The following HERC2 variants were observed in gnomAD, a reference collection of about 807,000 sequenced individuals.
HERC2 encodes the protein HECT and RLD domain containing E3 ubiquitin protein ligase 2, also known as E3 ubiquitin-protein ligase HERC2.
HERC2 carries 102 observed loss-of-function variants against 537.7 expected under a neutral mutation model. The observed-to-expected ratio is 0.19, with a 90% CI of 0.16 to 0.22. The LOEUF is 0.22. Among genes scored for constraint, HERC2 ranks in the 10% least tolerant of loss-of-function variants. The probability of loss-of-function intolerance (pLI) is 1.00; values close to 1 mark genes in which losing one functional copy is unlikely to be tolerated. For synonymous variants in HERC2, 2,224 were observed against 2,466.2 expected (o/e 0.90, Z 2.91); for missense variants, 4,236 against 6,198.2 (o/e 0.68, Z 10.63).
At chr15:28,217,011 C>T in intron 38 of HERC2, among the ~76,000 whole-genome samples, 1 of 152,140 alleles carries the variant, frequency 6.6e-6, no homozygotes, top group Non-Finnish European at 1.5e-5. Context: ...CTCACATTCA[C>T]TCACACGCAT....
intron 57 of HERC2, among the ~76,000 whole-genome samples, chr15:28,180,346 AATG>A (rs1895708766): frequency 6.6e-6 from 1 of 152,140 alleles, no homozygotes; most frequent in Non-Finnish European, 1.5e-5. Flanking sequence ...ATTTTCCAAC[AATG>A]ACAAAATCAC....
chr15:28,130,207 G>A lies in HERC2; in HGVS notation c.12758C>T (p.Ala4253Val), dbSNP rs1388162786. The change falls in exon 83 of 93, where the codon GCC (alanine) becomes GTC (valine). Residue 4253 changes from alanine (A) to valine (V), a missense_variant. This residue lies in a region of HERC2 where 189 missense variants were observed against 255.7 expected (regional missense o/e 0.74). Transcript: ENST00000261609. ...ACAGTGCAGGGAGCCAGTGGCGATG[G>A]CGATGACTTTCTTCCCCTGCAACCC... The part of the protein sequence containing the change: ...VQGLQGKKVI[A>V]IATGSLHCVC... 4 of 1,614,040 alleles carry A rather than the reference G, an allele frequency of 2.5e-6. No homozygotes were observed. Among genetic ancestry groups the A allele is most frequent in the Admixed American group, 1.7e-5 (1 of 60,000 alleles).
At position 28,214,181 on chromosome 15, in the gene HERC2, C is replaced by T. The variant is rs534903278; in HGVS notation, c.6450G>A (p.Leu2150=). Residue 2150 remains leucine (L), a synonymous_variant, in exon 41 of 93, where the codon CTG becomes CTA. Transcript: ENST00000261609. ...STLAEEVVAL[L]RTLHSLTQWN... is the part of the protein sequence containing the mutation. Reference sequence around the variant, plus strand: ...ACTGAGTCAGGGAGTGCAGCGTGCGCAGCAGTGCCACCACCTCCTCCGCCA... The same window carrying T: ...ACTGAGTCAGGGAGTGCAGCGTGCGTAGCAGTGCCACCACCTCCTCCGCCA... 2 of 1,612,934 alleles carry T rather than the reference C, an allele frequency of 1.2e-6. No individual in the cohort carries two copies. The highest frequency in any genetic ancestry group is 4.5e-5 in the East Asian group (2 of 44,880).
chr15:28,304,190 A>AAC (rs1335044405), intron 2 of HERC2, among the ~76,000 whole-genome samples: 23 of 150,934 alleles, frequency 1.5e-4, no homozygotes, highest in African/African-American at 5.3e-4. Flanking sequence ...AAAAAAAAAA[A>AAC]AACAGAGAAA....
chr15:28,299,892 A>G (rs2076572917), intron 2 of HERC2, among the ~76,000 whole-genome samples: 1 of 151,902 alleles, frequency 6.6e-6, no homozygotes, highest in Non-Finnish European at 1.5e-5. Flanking sequence ...TCCCAACTAA[A>G]AATACAAAAA....
In HERC2 at chr15:28,285,803, C is replaced by CAAA. The variant is rs3079904; in HGVS notation, c.323-5519_323-5517dup. 5.0e-4 allele frequency among the ~76,000 whole-genome samples: 36 copies of CAAA among 72,376 alleles called. 2 individuals carry two copies. Among genetic ancestry groups the CAAA allele is most frequent in the African/African-American group, 1.5e-3 (35 of 23,000 alleles). 47.5% of individuals were successfully genotyped at this position (72,376 alleles called of 152,430 possible). A position where few individuals can be genotyped will look rare whatever the true frequency, so the allele number is the denominator to read the frequency against. On this transcript the variant is annotated intron_variant, in intron 4 of 92. Transcript: ENST00000261609. ...GACAAACCTCTCTAAGCATGACTGA[C>CAAA]AAAAAAAAAAAAAAAAGACATAAAT... is the stretch of plus-strand genomic sequence containing the variant.
At position 28,233,700 on chromosome 15, in the gene HERC2, A is replaced by G. The variant is rs1434916849; in HGVS notation, c.4315T>C (p.Leu1439=). 1 of 1,613,814 alleles carries G rather than the reference A, an allele frequency of 6.2e-7. No homozygotes were observed. The highest frequency in any genetic ancestry group is 8.5e-7 in the Non-Finnish European group (1 of 1,179,830). ...PEHPVEEVGR[L]LLCCLLKHED... is the part of the protein sequence containing the mutation. Reference sequence around the variant, plus strand: ...TGTTTTAAGAGGCAACATAACAACAAGCGACCGACCTCTTCCACGGGATGC... The same window carrying G: ...TGTTTTAAGAGGCAACATAACAACAGGCGACCGACCTCTTCCACGGGATGC... The change falls in exon 28 of 93, where the codon TTG becomes CTG. Residue 1439 remains leucine, a synonymous_variant. Coordinates refer to ENST00000261609, the MANE Select transcript of HERC2 (RefSeq NM_004667.6).
At position 28,280,235 on chromosome 15, in the gene HERC2, G is replaced by A; in HGVS notation, c.375C>T (p.Ala125=). 3 of 1,614,044 alleles carry A rather than the reference G, an allele frequency of 1.9e-6. No homozygotes were observed. The highest frequency in any genetic ancestry group is 1.7e-6 in the Non-Finnish European group (2 of 1,179,996). The change falls in exon 5 of 93, where the codon GCC becomes GCT. Residue 125 remains alanine (A), a synonymous_variant. Transcript: ENST00000261609. ...CLSVLVKEQQ[A]LAVQSATTTL... is the part of the protein sequence containing the mutation. ...TGGTGGTGGCTGACTGGACGGCCAG[G>A]GCCTGCTGCTCTTTAACCAGCACAG...
chr15:28,131,985 A>AGCAC (rs1890155911), intron 81 of HERC2, 115 bp downstream of exon 81: 1 of 845,800 alleles, frequency 1.2e-6, no homozygotes, highest in African/African-American at 1.7e-5. Flanking sequence ...GCTCCTAAGG[A>AGCAC]GCACACACGG....
At chr15:28,119,668 G>C (rs1888667545) in intron 86 of HERC2, among the ~76,000 whole-genome samples, 1 of 151,802 alleles carries the variant, frequency 6.6e-6, no homozygotes, top group African/African-American at 2.4e-5. Flanking sequence ...TGCCCAGGAT[G>C]GTCTCAGACT....
intron 2 of HERC2, among the ~76,000 whole-genome samples, chr15:28,318,393 G>A (rs563633411): frequency 2.7e-4 from 41 of 152,296 alleles, no homozygotes; most frequent in African/African-American, 9.1e-4. Context: ...TCCGGAGGCC[G>A]AGACGGGTGG....
chr15:28,305,423 G>A (rs1380561591), intron 2 of HERC2, among the ~76,000 whole-genome samples: 10 of 144,882 alleles, frequency 6.9e-5, no homozygotes, highest in African/African-American at 2.5e-4. Flanking sequence ...AACAAGCAAT[G>A]GGGAAAGGAT....
In HERC2 at chr15:28,168,509, G is replaced by A. The variant is rs150517241; in HGVS notation, c.10311C>T (p.Ser3437=). The change falls in exon 67 of 93, where the codon TCC becomes TCT. Residue 3437 remains serine, a synonymous_variant. Transcript: ENST00000261609. ...TGGGACTAGCCATCGCAGATGCGTC[G>A]GAAGGGGCCGCCGAGGAGAACGAGG... ...ECPSFSSAAP[S]DASAMASPMN... The A allele has an allele frequency of 3.5e-5, 57 of 1,614,068 alleles. No individual in the cohort carries two copies. Among genetic ancestry groups the A allele is most frequent in the South Asian group, 1.1e-4 (10 of 91,084 alleles).
chr15:28,114,034 C>T (rs1161600680), intron 90 of HERC2, among the ~76,000 whole-genome samples: 1 of 152,188 alleles, frequency 6.6e-6, no homozygotes, highest in South Asian at 2.1e-4. Flanking sequence ...ACAGCAGACA[C>T]GATACGGGGG....
intron 23 of HERC2, among the ~76,000 whole-genome samples, chr15:28,245,566 TACACACACACACACAC>T (rs200862998): frequency 3.4e-4 from 41 of 119,254 alleles, no homozygotes; most frequent in Middle Eastern, 8.2e-3. Context: ...AAAAAATATA[TACACACACACACACAC>T]ACACACACAC....
chr15:28,256,084 C>T lies in HERC2; in HGVS notation c.2746+5G>A, dbSNP rs1378481784. On this transcript the variant is annotated splice_donor_5th_base_variant and intron_variant, in intron 18 of 92. Transcript: ENST00000261609. ...TGCCCTCTCCTGTTCCTTCCCCAGG[C>T]CCACCTGCGCAGGGCAGGAGAGCAG... is the stretch of plus-strand genomic sequence containing the variant. The T allele has an allele frequency of 1.2e-6, 2 of 1,603,258 alleles. No homozygotes were observed. Among genetic ancestry groups the T allele is most frequent in the Admixed American group, 1.7e-5 (1 of 59,950 alleles).
In HERC2 at chr15:28,274,422, C is replaced by G; in HGVS notation, c.669G>C (p.Glu223Asp). Residue 223 changes from glutamate to aspartate, a missense_variant, in exon 7 of 93, where the codon GAG becomes GAC. Coordinates refer to ENST00000261609, the MANE Select transcript of HERC2 (RefSeq NM_004667.6). ...GGGCGTCCAGGGACTCCTGCAACAG[C>G]TCACTGCAGAGGTCCGCATCCTCGC... ...RSGEDADLCS[E>D]LLQESLDALR... is the part of the protein sequence containing the mutation. 1 of 1,613,126 alleles carries G rather than the reference C, an allele frequency of 6.2e-7. No homozygotes were observed. Among genetic ancestry groups the G allele is most frequent in the Non-Finnish European group, 8.5e-7 (1 of 1,179,586 alleles).
intron 5 of HERC2, among the ~76,000 whole-genome samples, chr15:28,275,760 G>A (rs1187038527): frequency 1.3e-5 from 2 of 151,622 alleles, no homozygotes; most frequent in Non-Finnish European, 1.5e-5. Flanking sequence ...TCCAGCCTGC[G>A]AGACAGAGCA....
chr15:28,183,288 T>C (rs776192627), intron 56 of HERC2, among the ~76,000 whole-genome samples: 1 of 152,198 alleles, frequency 6.6e-6, no homozygotes, highest in African/African-American at 2.4e-5. Flanking sequence ...CGGTTCACTG[T>C]AGCTTCAACC....
Sources: allele counts gnomAD v4.1 joint callset (sites outside exome capture counted in the v4.1 genomes callset), GRCh38; gene constraint gnomAD v4.1.1; regional missense constraint gnomAD v4.1.1; transcripts MANE v1.5; gene names NCBI Gene and HGNC (gene_info 2026-07-23, HGNC 2026-07-21).